ACBD6: variants seen among roughly 807,000 people sequenced by gnomAD.
The protein encoded by ACBD6 is acyl-CoA binding domain containing 6.
Under a neutral mutation model 37.2 loss-of-function variants are expected in ACBD6, and 28 were observed. That is an observed-to-expected ratio of 0.75 (90% confidence interval 0.56 to 1.03). The LOEUF (loss-of-function observed/expected upper bound fraction) is 1.03, where lower values mean the gene tolerates loss of function less well. Ranked by LOEUF, ACBD6 falls within the 50% of genes least tolerant of loss-of-function variation. The pLI is 0.00. For synonymous variants in ACBD6, 113 were observed against 126.8 expected (o/e 0.89, Z 0.73); for missense variants, 340 against 337.4 (o/e 1.01, Z -0.06).
exon 14 of ACBD6, chr1:180,271,470 A>G (rs764841257): frequency 6.2e-7 from 1 of 1,614,152 alleles, no homozygotes. Flanking sequence ...AACTCCCCCA[A>G]GCCTGCCCGG....
chr1:180,327,361 T>A (rs1429686411), intron 6 of ACBD6, among the ~76,000 whole-genome samples: 1 of 152,150 alleles, frequency 6.6e-6, no homozygotes, highest in Non-Finnish European at 1.5e-5. Context: ...AGTGCACAGA[T>A]TCTCTCTCCA....
chr1:180,363,286 T>G (rs1652916789), intron 6 of ACBD6, among the ~76,000 whole-genome samples: 2 of 152,210 alleles, frequency 1.3e-5, no homozygotes, highest in Non-Finnish European at 2.9e-5. Flanking sequence ...GAGGAAAGAA[T>G]TCATTATGTA....
At chr1:180,305,563 C>T (rs931557856) in intron 7 of ACBD6, among the ~76,000 whole-genome samples, 2 of 152,268 alleles carry the variant, frequency 1.3e-5, no homozygotes, top group African/African-American at 4.8e-5. Context: ...TACCATCTCA[C>T]ACCAGTTAGA....
intron 6 of ACBD6, among the ~76,000 whole-genome samples, chr1:180,327,091 C>A (rs970368708): frequency 1.3e-5 from 2 of 152,154 alleles, no homozygotes; most frequent in African/African-American, 2.4e-5. Flanking sequence ...TAGGACTTGC[C>A]TAGGAATTAC....
chr1:180,481,013 G>C (rs963619164), intron 3 of ACBD6, among the ~76,000 whole-genome samples: 6 of 150,386 alleles, frequency 4.0e-5, no homozygotes, highest in Non-Finnish European at 5.9e-5. Flanking sequence ...CCTGACAACA[G>C]AGTGAGACTC....
At chr1:180,385,828 G>T (rs1236614347) in intron 6 of ACBD6, among the ~76,000 whole-genome samples, 1 of 152,148 alleles carries the variant, frequency 6.6e-6, no homozygotes. Context: ...TGTGTATTTT[G>T]TTACAGCGGA....
At chr1:180,426,434 T>G (rs1380255744) in intron 4 of ACBD6, among the ~76,000 whole-genome samples, 3 of 152,192 alleles carry the variant, frequency 2.0e-5, no homozygotes, top group Non-Finnish European at 4.4e-5. Flanking sequence ...CATCTTACTC[T>G]ACAAACCCCT....
At chr1:180,298,738 C>G (rs1022906269) in intron 7 of ACBD6, among the ~76,000 whole-genome samples, 1 of 152,140 alleles carries the variant, frequency 6.6e-6, no homozygotes, top group African/African-American at 2.4e-5. Context: ...AACAGTAATT[C>G]AGAGCAAGAA....
chr1:180,449,607 C>T (rs775795215), intron 3 of ACBD6, among the ~76,000 whole-genome samples: 4 of 151,908 alleles, frequency 2.6e-5, no homozygotes, highest in African/African-American at 7.3e-5. Flanking sequence ...AAGGTTTCAC[C>T]ATGTTGGCCA....
chr1:180,395,265 T>C (rs925110422), intron 6 of ACBD6, among the ~76,000 whole-genome samples: 2 of 152,072 alleles, frequency 1.3e-5, no homozygotes, highest in Non-Finnish European at 2.9e-5. Flanking sequence ...GTGTTAGATA[T>C]TGTGCGTTTG....
chr1:180,440,805 T>C (rs1027915397), intron 3 of ACBD6, among the ~76,000 whole-genome samples: 7 of 152,378 alleles, frequency 4.6e-5, no homozygotes, highest in African/African-American at 1.7e-4. Context: ...TCATACACTA[T>C]GTAATCTTTC....
At chr1:180,387,601 G>A (rs966518031) in intron 6 of ACBD6, among the ~76,000 whole-genome samples, 5 of 152,208 alleles carry the variant, frequency 3.3e-5, no homozygotes, top group Non-Finnish European at 7.3e-5. Flanking sequence ...TTCAGCATCT[G>A]TTGATAACAC....
At chr1:180,387,446 G>A (rs1653888698) in intron 6 of ACBD6, among the ~76,000 whole-genome samples, 1 of 152,178 alleles carries the variant, frequency 6.6e-6, no homozygotes, top group African/African-American at 2.4e-5. Flanking sequence ...CCACACTTAC[G>A]ACAGAAGGGG....
rs1649587485 is a variant in ACBD6 at position 180,288,838 on chromosome 1, CTA to C, written c.695-323_695-322del. 7.9e-5 allele frequency among the ~76,000 whole-genome samples: 12 copies of C among 152,176 alleles called. No individual in the cohort carries two copies. In the South Asian group the frequency reaches 2.3e-3, roughly 29 times the overall value. On this transcript the variant is annotated intron_variant, in intron 7 of 7. Transcript: ENST00000367595. Reference sequence around the variant, plus strand: ...GGAATAAAAAATAGTATTTAAGTATCTATTTTACTTTGATCTTTATTTCAGAA... The same window carrying C: ...GGAATAAAAAATAGTATTTAAGTATCTTTTACTTTGATCTTTATTTCAGAA...
intron 5 of ACBD6, among the ~76,000 whole-genome samples, chr1:180,404,010 G>A (rs947138121): frequency 2.6e-5 from 4 of 152,062 alleles, no homozygotes; most frequent in African/African-American, 7.2e-5. Context: ...GAGTGCAGTG[G>A]TGCGATCTCA....
At chr1:180,420,837 C>T (rs1648330650) in intron 4 of ACBD6, among the ~76,000 whole-genome samples, 1 of 152,112 alleles carries the variant, frequency 6.6e-6, no homozygotes, top group Admixed American at 6.5e-5. Context: ...TGATCATAAA[C>T]CCGCCTGAAT....
At chr1:180,391,881 C>T (rs990178036) in intron 6 of ACBD6, among the ~76,000 whole-genome samples, 1 of 121,392 alleles carries the variant, frequency 8.2e-6, no homozygotes, top group Admixed American at 8.3e-5. Context: ...TCATAATAGC[C>T]AGACACTGAA....
intron 6 of ACBD6, among the ~76,000 whole-genome samples, chr1:180,376,799 C>A (rs2101922043): frequency 1.3e-5 from 2 of 152,244 alleles, no homozygotes; most frequent in South Asian, 4.1e-4. Flanking sequence ...TTATACGCCT[C>A]TGATGCTCAT....
At chr1:180,466,825 C>T (rs958574421) in intron 3 of ACBD6, among the ~76,000 whole-genome samples, 1 of 152,022 alleles carries the variant, frequency 6.6e-6, no homozygotes, top group Admixed American at 6.6e-5. Flanking sequence ...GGAGTAACAA[C>T]AGCACCTACC....
Sources: gnomAD v4.1 joint callset for allele counts (sites outside exome capture counted in the v4.1 genomes callset) on GRCh38, gnomAD v4.1.1 for gene constraint, MANE v1.5 for transcripts, NCBI Gene and HGNC (gene_info 2026-07-23, HGNC 2026-07-21) for gene names.